The following PPP2R2B variants were observed in gnomAD, a reference collection of about 807,000 sequenced individuals.
PPP2R2B encodes the protein serine/threonine-protein phosphatase 2A 55 kDa regulatory subunit B beta isoform.
A neutral mutation model predicts 46.0 loss-of-function variants in PPP2R2B; 5 were observed. The ratio of observed to expected loss-of-function variants is 0.11; its 90% CI spans 0.06 to 0.23. PPP2R2B has a LOEUF of 0.23. Among genes scored for constraint, PPP2R2B ranks in the 10% least tolerant of loss-of-function variants. PPP2R2B has a pLI of 1.00. For synonymous variants in PPP2R2B, 215 were observed against 206.7 expected (o/e 1.04, Z -0.34); for missense variants, 367 against 575.0 (o/e 0.64, Z 3.70).
intron 1 of PPP2R2B, among the ~76,000 whole-genome samples, chr5:146,912,063 C>T (rs112945943): frequency 0.021 from 3,231 of 151,960 alleles, 107 homozygotes; most frequent in East Asian, 0.065. Context: ...CAAGGTGAAA[C>T]CCTGTCTCTA....
At chr5:147,029,720 G>A (rs1356297211) in intron 1 of PPP2R2B, among the ~76,000 whole-genome samples, 1 of 152,108 alleles carries the variant, frequency 6.6e-6, no homozygotes, top group Non-Finnish European at 1.5e-5. Context: ...TATAAGAAAA[G>A]GAAAAGACAC....
At chr5:146,799,737 C>T (rs147855092) in intron 2 of PPP2R2B, among the ~76,000 whole-genome samples, 1 of 152,308 alleles carries the variant, frequency 6.6e-6, no homozygotes, top group African/African-American at 2.4e-5. Flanking sequence ...GTAATTTCTG[C>T]ATATTTTAAC....
At chr5:146,885,870 A>G (rs1003734407) in intron 1 of PPP2R2B, among the ~76,000 whole-genome samples, 2 of 152,222 alleles carry the variant, frequency 1.3e-5, no homozygotes, top group African/African-American at 4.8e-5. Flanking sequence ...GACACCAGAC[A>G]CAAAAGATGA....
chr5:146,896,151 T>C (rs986678923), intron 1 of PPP2R2B, among the ~76,000 whole-genome samples: 1 of 152,162 alleles, frequency 6.6e-6, no homozygotes, highest in African/African-American at 2.4e-5. Context: ...AGTGCTTTTT[T>C]ACCCCCATAA....
chr5:147,052,630 G>A (rs997815391), intron 1 of PPP2R2B, among the ~76,000 whole-genome samples: 1 of 152,168 alleles, frequency 6.6e-6, no homozygotes. Context: ...GTGGAAGGGA[G>A]AATTTTGAGG....
intron 2 of PPP2R2B, among the ~76,000 whole-genome samples, chr5:146,752,872 A>T (rs1354375914): frequency 6.6e-6 from 1 of 152,218 alleles, no homozygotes; most frequent in Non-Finnish European, 1.5e-5. Context: ...ACTCTGAAGG[A>T]AAGACACATG....
chr5:146,862,842 T>C lies in PPP2R2B; in HGVS notation c.70+15160A>G, dbSNP rs540006624. On this transcript the variant is annotated intron_variant, in intron 2 of 9. Coordinates refer to ENST00000394411, the MANE Select transcript of PPP2R2B (RefSeq NM_181675.4). Reference sequence around the variant, plus strand: ...TCATATGAGTGACTCAAAGGCAACCTGCTTGTCAAGTAATTGGAAAAAAAA... The same window carrying C: ...TCATATGAGTGACTCAAAGGCAACCCGCTTGTCAAGTAATTGGAAAAAAAA... 2.7e-4 allele frequency among the ~76,000 whole-genome samples: 39 copies of C among 143,024 alleles called. 1 individual carries two copies. The highest frequency in any genetic ancestry group is 9.2e-4 in the African/African-American group (35 of 37,980). 93.8% of individuals were successfully genotyped at this position (143,024 alleles called of 152,430 possible).
intron 1 of PPP2R2B, among the ~76,000 whole-genome samples, chr5:146,943,740 G>A (rs1295112821): frequency 2.0e-5 from 3 of 152,042 alleles, no homozygotes; most frequent in African/African-American, 7.2e-5. Context: ...GAGAAAATCT[G>A]TAAGGAGTTA....
At chr5:146,634,782 A>C (rs541239789) in intron 7 of PPP2R2B, among the ~76,000 whole-genome samples, 18 of 146,776 alleles carry the variant, frequency 1.2e-4, no homozygotes, top group South Asian at 4.3e-4. Context: ...ACACACACAC[A>C]CCCCCTACTG....
At chr5:146,864,602 C>T (rs1761200899) in intron 2 of PPP2R2B, among the ~76,000 whole-genome samples, 1 of 151,956 alleles carries the variant, frequency 6.6e-6, no homozygotes, top group African/African-American at 2.4e-5. Context: ...GCCCTGGAAC[C>T]ATGAAAGTAA....
intron 7 of PPP2R2B, among the ~76,000 whole-genome samples, chr5:146,616,516 A>T (rs191883987): frequency 3.3e-5 from 5 of 152,326 alleles, no homozygotes; most frequent in African/African-American, 1.2e-4. Flanking sequence ...AAGGAGCTCA[A>T]ACAATTCTAT....
At chr5:146,646,834 C>G (rs1775612052) in intron 6 of PPP2R2B, among the ~76,000 whole-genome samples, 1 of 152,130 alleles carries the variant, frequency 6.6e-6, no homozygotes, top group East Asian at 1.9e-4. Context: ...AAGGCACTAC[C>G]CTAAATGTGT....
intron 2 of PPP2R2B, among the ~76,000 whole-genome samples, chr5:146,729,043 A>G (rs1170558982): frequency 6.6e-6 from 1 of 152,196 alleles, no homozygotes; most frequent in Admixed American, 6.5e-5. Context: ...TCAGAAGAAG[A>G]AAGGAAAATG....
intron 7 of PPP2R2B, among the ~76,000 whole-genome samples, chr5:146,620,299 G>C (rs1277886243): frequency 1.3e-5 from 2 of 152,132 alleles, no homozygotes; most frequent in Non-Finnish European, 1.5e-5. Flanking sequence ...ATTAATTGTG[G>C]GTCTGTTTGT....
At chr5:146,834,957 A>T (rs1465470665) in intron 2 of PPP2R2B, among the ~76,000 whole-genome samples, 1 of 152,152 alleles carries the variant, frequency 6.6e-6, no homozygotes, top group Non-Finnish European at 1.5e-5. Flanking sequence ...ACATGATTTC[A>T]TTCTTTTTTT....
In PPP2R2B at chr5:146,587,382, A is replaced by T. The variant is rs1244149775; in HGVS notation, c.*2565T>A. On this transcript the variant is annotated 3_prime_UTR_variant, in exon 10 of 10. Transcript: ENST00000394411. The stretch of plus-strand genomic sequence containing the variant: ...TCCTTTGCAGGGGATGGAGGAGAGG[A>T]TGGCTGCCCTCTGCTCTTTCTTCTC... 1 of 152,172 alleles carries T rather than the reference A, an allele frequency of 6.6e-6. No homozygotes were observed. Among genetic ancestry groups the T allele is most frequent in the Admixed American group, 6.5e-5 (1 of 15,272 alleles). The allele number at this position is 152,172 out of a possible 1,614,324, so 9.4% of individuals were successfully genotyped here. A position where few individuals can be genotyped will look rare whatever the true frequency, so the allele number is the denominator to read the frequency against.
intron 1 of PPP2R2B, among the ~76,000 whole-genome samples, chr5:146,955,055 A>G (rs1473750198): frequency 3.3e-5 from 5 of 152,072 alleles, no homozygotes; most frequent in Non-Finnish European, 7.4e-5. Flanking sequence ...GAGATAATAG[A>G]CTCAGTCAGG....
At chr5:146,799,432 G>A (rs1756730798) in intron 2 of PPP2R2B, among the ~76,000 whole-genome samples, 1 of 152,180 alleles carries the variant, frequency 6.6e-6, no homozygotes, top group Non-Finnish European at 1.5e-5. Context: ...GCTTCTGGCT[G>A]CTGGAAGATA....
intron 2 of PPP2R2B, among the ~76,000 whole-genome samples, chr5:146,840,421 C>A (rs1290801822): frequency 6.6e-6 from 1 of 152,142 alleles, no homozygotes; most frequent in African/African-American, 2.4e-5. Context: ...CAGTGCCTAG[C>A]ATATAGTAGT....
Sources: gnomAD v4.1 joint callset for allele counts (sites outside exome capture counted in the v4.1 genomes callset) on GRCh38, gnomAD v4.1.1 for gene constraint, MANE v1.5 for transcripts, NCBI Gene and HGNC (gene_info 2026-07-23, HGNC 2026-07-21) for gene names.